DTNBP1: variants seen among roughly 807,000 people sequenced by gnomAD.
DTNBP1 encodes dystrobrevin binding protein 1.
Under a neutral mutation model 42.8 loss-of-function variants are expected in DTNBP1, and 35 were observed. The ratio of observed to expected loss-of-function variants is 0.82; its 90% CI spans 0.63 to 1.09. The LOEUF (loss-of-function observed/expected upper bound fraction) is 1.09, where lower values mean the gene tolerates loss of function less well. Among genes scored for constraint, DTNBP1 ranks in the 50% least tolerant of loss-of-function variants. The probability of loss-of-function intolerance (pLI) is 0.00; values close to 1 mark genes in which losing one functional copy is unlikely to be tolerated. For missense variants in DTNBP1, 457 were observed against 424.2 expected (o/e 1.08, Z -0.68); for synonymous variants, 171 against 162.2 (o/e 1.05, Z -0.41).
intron 6 of DTNBP1, among the ~76,000 whole-genome samples, chr6:15,597,343 C>G (rs1038346328): frequency 2.0e-5 from 3 of 152,074 alleles, no homozygotes; most frequent in Non-Finnish European, 2.9e-5. Flanking sequence ...TTTTCAAGGA[C>G]AGTATAACTG....
intron 7 of DTNBP1, among the ~76,000 whole-genome samples, chr6:15,581,777 G>A (rs1727538371): frequency 1.3e-5 from 2 of 152,124 alleles, no homozygotes; most frequent in South Asian, 4.1e-4. Context: ...TCGCGCCCAG[G>A]CAGAAATTCT....
At chr6:15,526,151 A>C (rs1002501066) in intron 8 of DTNBP1, among the ~76,000 whole-genome samples, 8 of 152,254 alleles carry the variant, frequency 5.3e-5, no homozygotes, top group Admixed American at 4.6e-4. Flanking sequence ...GTATCGTTTA[A>C]GATCCAGGAG....
At chr6:15,662,782 A>G in intron 1 of DTNBP1, 32 bp downstream of exon 1, 6 of 1,611,314 alleles carry the variant, frequency 3.7e-6, no homozygotes, top group Non-Finnish European at 5.1e-6. Context: ...CGGCCCCCTC[A>G]GGTCCCTTTT....
At chr6:15,658,462 G>A (rs992572278) in intron 1 of DTNBP1, among the ~76,000 whole-genome samples, 1 of 152,178 alleles carries the variant, frequency 6.6e-6, no homozygotes, top group Non-Finnish European at 1.5e-5. Flanking sequence ...AGGGGTGCAG[G>A]TGGGCGGCAG....
At chr6:15,603,725 TC>T (rs1024542827) in intron 6 of DTNBP1, among the ~76,000 whole-genome samples, 34 of 152,330 alleles carry the variant, frequency 2.2e-4, no homozygotes, top group African/African-American at 7.9e-4. Flanking sequence ...TCAGCAGTAT[TC>T]AGACAAAAGC....
intron 4 of DTNBP1, among the ~76,000 whole-genome samples, chr6:15,628,517 T>C (rs13198335): frequency 0.2 from 29,678 of 149,782 alleles, 3,284 homozygotes; most frequent in Non-Finnish European, 0.25. Context: ...GCGATTCTCC[T>C]GCCTCAGACT....
chr6:15,573,472 A>AAC (rs2113535636), intron 7 of DTNBP1, among the ~76,000 whole-genome samples: 1 of 152,308 alleles, frequency 6.6e-6, no homozygotes, highest in Non-Finnish European at 1.5e-5. Context: ...TAACTTTAAC[A>AAC]ACAGGAACAG....
intron 7 of DTNBP1, among the ~76,000 whole-genome samples, chr6:15,562,115 C>T (rs62397464): frequency 0.095 from 14,386 of 152,198 alleles, 754 homozygotes; most frequent in Non-Finnish European, 0.11. Context: ...ACCATAAAAA[C>T]AGCCAACCAG....
chr6:15,524,444 A>G, intron 9 of DTNBP1, 82 bp downstream of exon 9: 1 of 1,614,130 alleles, frequency 6.2e-7, no homozygotes, highest in South Asian at 1.1e-5. Context: ...AGTGACTGGC[A>G]GATGGTTCTC....
At chr6:15,557,148 C>T (rs189107755) in intron 7 of DTNBP1, among the ~76,000 whole-genome samples, 36 of 151,932 alleles carry the variant, frequency 2.4e-4, no homozygotes, top group Admixed American at 1.3e-3. Context: ...CCATAACATA[C>T]GTAACTGAGA....
At chr6:15,643,218 T>C (rs1011065254) in intron 3 of DTNBP1, among the ~76,000 whole-genome samples, 2 of 152,132 alleles carry the variant, frequency 1.3e-5, no homozygotes, top group Non-Finnish European at 2.9e-5. Context: ...AGACCAGTCA[T>C]TCAAATTAAC....
chr6:15,563,183 A>G (rs1774919031), intron 7 of DTNBP1, among the ~76,000 whole-genome samples: 2 of 152,196 alleles, frequency 1.3e-5, no homozygotes, highest in African/African-American at 4.8e-5. Context: ...TCTCAGCTAA[A>G]GTACCACTTC....
intron 7 of DTNBP1, among the ~76,000 whole-genome samples, chr6:15,560,466 G>T (rs569493555): frequency 6.6e-6 from 1 of 152,284 alleles, no homozygotes; most frequent in South Asian, 2.1e-4. Flanking sequence ...GAAATTATTT[G>T]TATTTGTAAT....
At chr6:15,566,760 G>T (rs1162147076) in intron 7 of DTNBP1, among the ~76,000 whole-genome samples, 1 of 149,588 alleles carries the variant, frequency 6.7e-6, no homozygotes, top group Non-Finnish European at 1.5e-5. Flanking sequence ...GAGTGCAGTG[G>T]CATGATCTTG....
intron 7 of DTNBP1, among the ~76,000 whole-genome samples, chr6:15,542,339 T>C (rs953971270): frequency 1.3e-5 from 2 of 152,172 alleles, no homozygotes; most frequent in African/African-American, 4.8e-5. Context: ...ATGTGACAGA[T>C]TTTAAAAATT....
chr6:15,604,843 C>G (rs567829596), intron 6 of DTNBP1, among the ~76,000 whole-genome samples: 2 of 152,108 alleles, frequency 1.3e-5, no homozygotes, highest in Admixed American at 1.3e-4. Context: ...GAATCAGGAC[C>G]CTTAAAATAT....
intron 7 of DTNBP1, among the ~76,000 whole-genome samples, chr6:15,552,137 G>C (rs1189275430): frequency 6.6e-6 from 1 of 152,066 alleles, no homozygotes; most frequent in Non-Finnish European, 1.5e-5. Flanking sequence ...CAGTGCAGGA[G>C]GTATCCAAAA....
chr6:15,602,866 A>G (rs1776783873), intron 6 of DTNBP1, among the ~76,000 whole-genome samples: 1 of 152,228 alleles, frequency 6.6e-6, no homozygotes, highest in Admixed American at 6.5e-5. Flanking sequence ...TGTCATTTGC[A>G]TAACTGGAGG....
intron 7 of DTNBP1, among the ~76,000 whole-genome samples, chr6:15,591,545 G>A (rs1012401273): frequency 6.6e-6 from 1 of 152,148 alleles, no homozygotes; most frequent in African/African-American, 2.4e-5. Context: ...GACTGTGGGT[G>A]GATTTGATGT....
Sources: gnomAD v4.1 joint callset for allele counts (sites outside exome capture counted in the v4.1 genomes callset) on GRCh38, gnomAD v4.1.1 for gene constraint, MANE v1.5 for transcripts, NCBI Gene and HGNC (gene_info 2026-07-23, HGNC 2026-07-21) for gene names.